The following SRGAP2C variants were observed in gnomAD, a reference collection of about 807,000 sequenced individuals.
SRGAP2C encodes the protein SLIT-ROBO Rho GTPase-activating protein 2C.
SRGAP2C carries 15 observed loss-of-function variants against 25.1 expected under a neutral mutation model. The observed-to-expected ratio is 0.60, with a 90% confidence interval of 0.40 to 0.92. The LOEUF (loss-of-function observed/expected upper bound fraction) is 0.92, where lower values mean the gene tolerates loss of function less well. Ranked by LOEUF, SRGAP2C falls within the 40% of genes least tolerant of loss-of-function variation. SRGAP2C has a pLI of 0.00. For missense variants in SRGAP2C, 144 were observed against 264.4 expected, an observed-to-expected ratio of 0.54 and a Z score of 3.16; for synonymous variants, 44 against 96.6, an observed-to-expected ratio of 0.46 and a Z score of 3.19.
rs1339782989 is a variant in SRGAP2C at position 121,295,763 on chromosome 1, T to C, written c.260+10768T>C. Among the ~76,000 whole-genome samples, 13 of 152,110 alleles carry C rather than the reference T, an allele frequency of 8.5e-5. No homozygotes were observed. In the East Asian group the frequency reaches 1.4e-3, roughly 16 times the overall value. On this transcript the variant is annotated intron_variant, in intron 3 of 9. Transcript: ENST00000367123. ...TTGTTGTTGTTGTTGTTGTTGTTGT[T>C]GTTTGGGTTTTTTTTTAGATGGAGT...
At chr1:121,253,903 A>T (rs1570739031) in intron 2 of SRGAP2C, among the ~76,000 whole-genome samples, 1 of 150,450 alleles carries the variant, frequency 6.6e-6, no homozygotes, top group African/African-American at 2.4e-5. Context: ...CTATAAATTA[A>T]TTTTTTTATT....
At position 121,190,231 on chromosome 1, in the gene SRGAP2C, C is replaced by G. The variant is rs1553319565; in HGVS notation, c.67+2718C>G. Among the ~76,000 whole-genome samples the G allele has an allele frequency of 2.0e-5, 3 of 150,318 alleles. No homozygotes were observed. The South Asian group carries it at 6.3e-4, about 32-fold the overall frequency. On this transcript the variant is annotated intron_variant, in intron 2 of 9. Coordinates refer to ENST00000367123, the MANE Select transcript of SRGAP2C (RefSeq NM_001329984.2). ...TGTGTGTTATATGGGACTCATGGTG[C>G]TGCCAGACTTACTTCTCTTACAGAT...
intron 4 of SRGAP2C, among the ~76,000 whole-genome samples, chr1:121,347,617 T>C (rs190285209): frequency 7.2e-4 from 110 of 152,348 alleles, no homozygotes; most frequent in African/African-American, 2.4e-3. Flanking sequence ...CATATTTGGC[T>C]GCAAAGCCCT....
intron 2 of SRGAP2C, among the ~76,000 whole-genome samples, chr1:121,274,729 A>AT: frequency 1.0e-5 from 1 of 98,794 alleles, no homozygotes; most frequent in African/African-American, 4.2e-5. Context: ...AATTTCTTGG[A>AT]TTTTTACTCT....
chr1:121,335,738 C>T (rs1658501787), intron 4 of SRGAP2C, among the ~76,000 whole-genome samples: 1 of 149,272 alleles, frequency 6.7e-6, no homozygotes, highest in Admixed American at 6.7e-5. Flanking sequence ...ATTTTTAAAA[C>T]ATAGTTGGCA....
chr1:121,303,537 TC>T (rs1320457621), intron 3 of SRGAP2C, among the ~76,000 whole-genome samples: 2 of 151,404 alleles, frequency 1.3e-5, no homozygotes, highest in African/African-American at 4.9e-5. Context: ...TCAGAGAGCC[TC>T]GGTTGCTTTT....
chr1:121,293,752 C>A (rs1553337990), intron 3 of SRGAP2C, among the ~76,000 whole-genome samples: 2 of 142,092 alleles, frequency 1.4e-5, no homozygotes, highest in African/African-American at 5.3e-5. Context: ...TCACCTCCCC[C>A]GGAGCTGTAG....
chr1:121,334,384 T>A (rs1658468201), intron 4 of SRGAP2C, among the ~76,000 whole-genome samples: 1 of 142,860 alleles, frequency 7.0e-6, no homozygotes, highest in Non-Finnish European at 1.5e-5. Flanking sequence ...CTGGCCTCCA[T>A]TATTTCTGAT....
chr1:121,370,561 C>T (rs1400909212), intron 5 of SRGAP2C, among the ~76,000 whole-genome samples: 2 of 147,256 alleles, frequency 1.4e-5, no homozygotes, highest in South Asian at 2.2e-4. Context: ...CCTGCCTCAG[C>T]CTCCCGAGTA....
intron 2 of SRGAP2C, among the ~76,000 whole-genome samples, chr1:121,219,001 C>A (rs1372818754): frequency 1.3e-5 from 2 of 152,214 alleles, no homozygotes; most frequent in Non-Finnish European, 2.9e-5. Flanking sequence ...TTGCCCATAT[C>A]TAATTCAGGA....
intron 5 of SRGAP2C, among the ~76,000 whole-genome samples, chr1:121,372,233 G>C (rs1659512026): frequency 6.6e-6 from 1 of 152,124 alleles, no homozygotes; most frequent in South Asian, 2.1e-4. Flanking sequence ...TCTGCCTCTA[G>C]CTGATCGTAG....
In SRGAP2C at chr1:121,286,285, C is replaced by T. The variant is rs1657363839; in HGVS notation, c.260+1290C>T. ...TTTTAGAAATAAGGTCTTGCTCTGTCACCCAGGCTGAAGTACAATAGCGTG... is the reference window on the plus strand; with the variant it reads ...TTTTAGAAATAAGGTCTTGCTCTGTTACCCAGGCTGAAGTACAATAGCGTG... On this transcript the variant is annotated intron_variant, in intron 3 of 9. Transcript: ENST00000367123. 2.4e-5 allele frequency among the ~76,000 whole-genome samples: 3 copies of T among 126,392 alleles called. No homozygotes were observed. In the Admixed American group the frequency reaches 2.4e-4, roughly 10 times the overall value. The allele number at this position is 126,392 out of a possible 152,430, so 82.9% of individuals were successfully genotyped here.
At chr1:121,372,284 T>C (rs1659515455) in intron 5 of SRGAP2C, among the ~76,000 whole-genome samples, 1 of 152,184 alleles carries the variant, frequency 6.6e-6, no homozygotes, top group Non-Finnish European at 1.5e-5. Flanking sequence ...CTAAGCTAGA[T>C]TTTCTCAACG....
intron 4 of SRGAP2C, among the ~76,000 whole-genome samples, chr1:121,363,919 T>A (rs1444583127): frequency 9.9e-5 from 15 of 152,170 alleles, no homozygotes; most frequent in African/African-American, 3.6e-4. Flanking sequence ...TTTTCTTTTT[T>A]GAGGTTTTCT....
intron 2 of SRGAP2C, among the ~76,000 whole-genome samples, chr1:121,217,266 C>T (rs1444465510): frequency 6.7e-6 from 1 of 150,162 alleles, no homozygotes; most frequent in Non-Finnish European, 1.5e-5. Flanking sequence ...CCTTTGAAAT[C>T]ACACATTTGG....
chr1:121,329,133 C>T (rs1658381425), intron 4 of SRGAP2C, among the ~76,000 whole-genome samples: 1 of 145,702 alleles, frequency 6.9e-6, no homozygotes, highest in South Asian at 2.2e-4. Context: ...ATCTCTTGAA[C>T]CCGGGAAGTG....
chr1:121,250,850 C>G (rs1656342915), intron 2 of SRGAP2C, among the ~76,000 whole-genome samples: 1 of 124,550 alleles, frequency 8.0e-6, no homozygotes, highest in Admixed American at 8.4e-5. Flanking sequence ...AAGGGGCTTT[C>G]AGAGCACTAG....
intron 4 of SRGAP2C, among the ~76,000 whole-genome samples, chr1:121,359,835 A>G (rs1201775878): frequency 6.6e-6 from 1 of 152,270 alleles, no homozygotes; most frequent in Non-Finnish European, 1.5e-5. Flanking sequence ...CATAGTGGAC[A>G]GCACATAAGT....
At chr1:121,384,392 AAATC>A (rs1659909592) in intron 8 of SRGAP2C, among the ~76,000 whole-genome samples, 1 of 75,146 alleles carries the variant, frequency 1.3e-5, no homozygotes, top group Non-Finnish European at 2.7e-5. Context: ...TTCTTGGGGA[AAATC>A]AAACCATTTA....
Sources: allele counts gnomAD v4.1 joint callset (sites outside exome capture counted in the v4.1 genomes callset), GRCh38; gene constraint gnomAD v4.1.1; transcripts MANE v1.5; gene names NCBI Gene and HGNC (gene_info 2026-07-23, HGNC 2026-07-21).